Variants in USH1C observed in about 807,000 individuals in gnomAD.
USH1C encodes the protein harmonin.
USH1C carries 90 observed loss-of-function variants against 119.3 expected under a neutral mutation model. The ratio of observed to expected loss-of-function variants is 0.75; its 90% confidence interval spans 0.64 to 0.90. The LOEUF (loss-of-function observed/expected upper bound fraction) is 0.90. Ranked by LOEUF, USH1C falls within the 40% of genes least tolerant of loss-of-function variation. The pLI, the probability that USH1C is intolerant of heterozygous loss-of-function variation, is 0.00. For synonymous variants in USH1C, 465 were observed against 443.3 expected (o/e 1.05, Z -0.62); for missense variants, 1,165 against 1,167.7 (o/e 1.00, Z 0.03).
intron 1 of USH1C, among the ~76,000 whole-genome samples, 196 bp downstream of exon 1, chr11:17,544,076 C>T (rs777432674): frequency 2.4e-4 from 36 of 152,230 alleles, no homozygotes; most frequent in Non-Finnish European, 2.5e-4. Flanking sequence ...GTCCTTGAGC[C>T]GGGAGTCCCC....
chr11:17,509,651 G>A lies in USH1C; in HGVS notation c.1718C>T (p.Pro573Leu), dbSNP rs1219271650. Residue 573 changes from proline to leucine, a missense_variant, in exon 18 of 27, where the codon CCC (proline) becomes CTC (leucine). Physicochemically the swap from Pro to Leu is moderately conservative, Grantham distance 98. Coordinates refer to ENST00000005226, the MANE Select transcript of USH1C (RefSeq NM_153676.4). The stretch of plus-strand genomic sequence containing the variant: ...GACAGGGGGCGCCGGGACCTTGTGG[G>A]GTGGGTTGGAGGGTGGAGGGTGGGG... ...VMPHPPPSNP[P>L]HKVPAPPVLP... 5 of 1,594,168 alleles carry A rather than the reference G, an allele frequency of 3.1e-6. No homozygotes were observed. Among genetic ancestry groups the A allele is most frequent in the Non-Finnish European group, 3.4e-6 (4 of 1,175,742 alleles).
intron 20 of USH1C, among the ~76,000 whole-genome samples, chr11:17,503,996 C>G (rs917514250): frequency 2.0e-5 from 3 of 152,188 alleles, no homozygotes; most frequent in Non-Finnish European, 2.9e-5. Flanking sequence ...CCTGGGCTGG[C>G]TGCAAGATCT....
chr11:17,504,734 G>A (rs763123373), intron 19 of USH1C, 37 bp from the exon 20 acceptor site: 1 of 1,608,800 alleles, frequency 6.2e-7, no homozygotes, highest in Non-Finnish European at 8.5e-7. Flanking sequence ...CACATTGGAT[G>A]TTACCAATAG....
Position 17,494,186 on chromosome 11 carries a change from G to T in USH1C, c.*146C>A. ...AGTGGCCCGAGCTGTTCCTTATCTG[G>T]CCCTGGTTCAGGGCCAAAGGGAGTT... is the stretch of plus-strand genomic sequence containing the variant. On this transcript the variant is annotated 3_prime_UTR_variant, in exon 27 of 27. Transcript: ENST00000005226. 2.9e-6 allele frequency: 3 copies of T among 1,023,532 alleles called. No individual in the cohort carries two copies. The highest frequency in any genetic ancestry group is 4.5e-6 in the Non-Finnish European group (3 of 670,476). 63.4% of individuals were successfully genotyped at this position (1,023,532 alleles called of 1,614,324 possible). A position where few individuals can be genotyped will look rare whatever the true frequency, so the allele number is the denominator to read the frequency against.
Position 17,531,387 on chromosome 11 carries a change from C to T in USH1C, c.248+12G>A. The stretch of plus-strand genomic sequence containing the variant: ...CCACCCCCTGCCTCCAGCCTGGTGG[C>T]TTCCTCTGCACCTGGAGCGCCGGGG... On this transcript the variant is annotated intron_variant, in intron 3 of 26. Coordinates refer to ENST00000005226, the MANE Select transcript of USH1C (RefSeq NM_153676.4). The surrounding 1 kb of genome is among the most constrained non-coding windows in gnomAD (Gnocchi z 4.2). 6.2e-7 allele frequency: 1 copy of T among 1,613,720 alleles called. No homozygotes were observed. Among genetic ancestry groups the T allele is most frequent in the Non-Finnish European group, 8.5e-7 (1 of 1,179,804 alleles).
chr11:17,531,484 G>T lies in USH1C; in HGVS notation c.163C>A (p.Arg55Ser), dbSNP rs117171411. The T allele has an allele frequency of 6.2e-7, 1 of 1,613,972 alleles. No homozygotes were observed. Reference sequence around the variant, plus strand: ...CGAATGGCATCAAACAGAGGCAGACGGCTGGGTTCATTGATGACCAGCTTC... The same window carrying T: ...CGAATGGCATCAAACAGAGGCAGACTGCTGGGTTCATTGATGACCAGCTTC... Reference protein sequence around the residue: ...DLKLVINEPSRLPLFDAIRPL... With the variant: ...DLKLVINEPSSLPLFDAIRPL... The change falls in exon 3 of 27, where the codon CGT (arginine) becomes AGT (serine). Residue 55 changes from arginine to serine, a missense_variant. Physicochemically the swap from Arg to Ser is moderately radical, Grantham distance 110. Transcript: ENST00000005226. This position sits in a 1 kb window ranked among gnomAD's most constrained non-coding sequence, Gnocchi z 4.2.
At chr11:17,526,572 G>A in intron 7 of USH1C, 131 bp from the exon 8 acceptor site, 1 of 1,114,330 alleles carries the variant, frequency 9.0e-7, no homozygotes, top group Non-Finnish European at 1.3e-6. Flanking sequence ...CCCTGGGGAT[G>A]TGTCTGCACC....
intron 4 of USH1C, among the ~76,000 whole-genome samples, chr11:17,530,737 G>T (rs566452473): frequency 4.1e-4 from 63 of 152,336 alleles, no homozygotes; most frequent in African/African-American, 1.5e-3. Context: ...AGCCAGAATT[G>T]AACCCGGCTA....
intron 18 of USH1C, among the ~76,000 whole-genome samples, chr11:17,508,653 A>G (rs1591976423): frequency 6.6e-6 from 1 of 152,232 alleles, no homozygotes; most frequent in African/African-American, 2.4e-5. Flanking sequence ...AATAAGAAAT[A>G]TGTCTTTTTC....
chr11:17,520,758 C>A (rs1591998860), intron 14 of USH1C, 112 bp downstream of exon 14: 1 of 1,350,950 alleles, frequency 7.4e-7, no homozygotes, highest in East Asian at 2.3e-5. Flanking sequence ...CATGAAGGAA[C>A]CACAGCCCAG....
chr11:17,514,601 T>C (rs1850050761), intron 15 of USH1C: 1 of 152,212 alleles, frequency 6.6e-6, no homozygotes, highest in Admixed American at 6.5e-5. Context: ...TTCCAGCTGC[T>C]GGGAGACAAA....
At chr11:17,532,491 G>T (rs373527801) in intron 2 of USH1C, among the ~76,000 whole-genome samples, 4 of 151,970 alleles carry the variant, frequency 2.6e-5, no homozygotes, top group African/African-American at 9.7e-5. Flanking sequence ...GTAGAGATGG[G>T]ATTTCACCAT....
rs760828615 is a variant in USH1C at position 17,501,922 on chromosome 11, G to A, written c.2226+17C>T. The A allele has an allele frequency of 1.2e-6, 2 of 1,613,358 alleles. 1 individual carries two copies. Among genetic ancestry groups the A allele is most frequent in the South Asian group, 2.2e-5 (2 of 90,892 alleles). The stretch of plus-strand genomic sequence containing the variant: ...TTCCTGGGGTTACTTGTCCAGGAGA[G>A]AAGCGTCATCTCTTACCATAGAGTA... On this transcript the variant is annotated intron_variant, in intron 21 of 26. Coordinates refer to ENST00000005226, the MANE Select transcript of USH1C (RefSeq NM_153676.4).
chr11:17,518,512 G>A (rs148265804), intron 14 of USH1C, among the ~76,000 whole-genome samples: 1 of 152,348 alleles, frequency 6.6e-6, no homozygotes, highest in East Asian at 1.9e-4. Flanking sequence ...TAAGCTAAGG[G>A]AAGGTCTGTT....
chr11:17,529,403 G>C (rs1314750528), intron 4 of USH1C, among the ~76,000 whole-genome samples: 1 of 152,230 alleles, frequency 6.6e-6, no homozygotes, highest in East Asian at 1.9e-4. Context: ...TGGGGACCCA[G>C]CCTCACAGGT....
chr11:17,507,669 G>C (rs574735396), intron 18 of USH1C, among the ~76,000 whole-genome samples: 1 of 152,204 alleles, frequency 6.6e-6, no homozygotes, highest in Non-Finnish European at 1.5e-5. Flanking sequence ...TTTTTGGACA[G>C]GGATGCCCAG....
At chr11:17,526,972 G>T (rs758137367) in intron 6 of USH1C, 44 bp downstream of exon 6, 18 of 1,562,904 alleles carry the variant, frequency 1.2e-5, no homozygotes. Flanking sequence ...CCAGGATCCT[G>T]GGCCCACAGG....
chr11:17,501,432 G>C, intron 22 of USH1C, 50 bp downstream of exon 22: 5 of 1,591,114 alleles, frequency 3.1e-6, no homozygotes, highest in Non-Finnish European at 4.3e-6. Flanking sequence ...GGGAGGAGGG[G>C]CAGGCACAGA....
At chr11:17,524,420 C>T (rs1263557586) in intron 9 of USH1C, 31 bp downstream of exon 9, 5 of 1,555,384 alleles carry the variant, frequency 3.2e-6, no homozygotes, top group Non-Finnish European at 4.4e-6. Flanking sequence ...TTCCAGTGGG[C>T]CCCCACTGGG....
Sources: allele counts gnomAD v4.1 joint callset (sites outside exome capture counted in the v4.1 genomes callset), GRCh38; gene constraint gnomAD v4.1.1; non-coding constraint Gnocchi (gnomAD v3.1); transcripts MANE v1.5; gene names NCBI Gene and HGNC (gene_info 2026-07-23, HGNC 2026-07-21).